Variants in NAV1 observed in about 807,000 individuals in gnomAD.
NAV1 encodes the protein neuron navigator 1.
Under a neutral mutation model 175.2 loss-of-function variants are expected in NAV1, and 18 were observed. The ratio of observed to expected loss-of-function variants is 0.10; its 90% confidence interval spans 0.07 to 0.15. The LOEUF is 0.15. NAV1 is among the 10% of genes least tolerant of loss of function. The pLI, the probability that NAV1 is intolerant of heterozygous loss-of-function variation, is 1.00. For missense variants in NAV1, 1,731 were observed against 2,436.6 expected, an observed-to-expected ratio of 0.71 and a Z score of 6.10; for synonymous variants, 897 against 978.7, an observed-to-expected ratio of 0.92 and a Z score of 1.56.
chr1:201,566,162 C>T lies in NAV1; in HGVS notation c.-143-22377C>T, dbSNP rs753814414. ...GACACATACACCATTCTGATGGTGA[C>T]GCTTGCCCACCTCTTTCAGAGAGAG... On this transcript the variant is annotated intron_variant, in intron 1 of 33. Coordinates refer to the NAV1 transcript ENST00000685211. Among the ~76,000 whole-genome samples, 59 of 152,308 alleles carry T rather than the reference C, an allele frequency of 3.9e-4. No homozygotes were observed. In the Middle Eastern group the frequency reaches 0.017, roughly 44 times the overall value.
At chr1:201,618,213 G>T (rs1212403326), upstream of NAV1, among the ~76,000 whole-genome samples, 1 of 151,940 alleles carries the variant, frequency 6.6e-6, no homozygotes, top group African/African-American at 2.4e-5. Context: ...CCCCAACCCA[G>T]GTGTGCCACT....
At chr1:201,711,042 A>G (rs1298212698) in intron 1 of NAV1, among the ~76,000 whole-genome samples, 1 of 152,212 alleles carries the variant, frequency 6.6e-6, no homozygotes, top group African/African-American at 2.4e-5. Flanking sequence ...GAGTCTAAAA[A>G]ATTGACCCTG....
At chr1:201,622,426 C>A (rs556144415), upstream of NAV1, among the ~76,000 whole-genome samples, 3 of 152,124 alleles carry the variant, frequency 2.0e-5, no homozygotes, top group Admixed American at 6.5e-5. Flanking sequence ...AAGGAACATG[C>A]AGGGCAGAGG....
intron 3 of NAV1, among the ~76,000 whole-genome samples, chr1:201,730,475 G>A (rs1269470155): frequency 5.3e-5 from 8 of 152,204 alleles, no homozygotes. Flanking sequence ...CCTGAAGCCT[G>A]TGAGCATGAC....
At chr1:201,623,893 C>G (rs1163067105) in intron 1 of NAV1, among the ~76,000 whole-genome samples, 1 of 152,130 alleles carries the variant, frequency 6.6e-6, no homozygotes, top group Non-Finnish European at 1.5e-5. Flanking sequence ...CCTAAAATGT[C>G]CATTTTTGCT....
In NAV1 at chr1:201,807,521, G is replaced by T. The variant is rs187454075; in HGVS notation, c.3649-432G>T. Among the ~76,000 whole-genome samples, 1 of 152,180 alleles carries T rather than the reference G, an allele frequency of 6.6e-6. No homozygotes were observed. Among genetic ancestry groups the T allele is most frequent in the Non-Finnish European group, 1.5e-5 (1 of 68,036 alleles). On this transcript the variant is annotated intron_variant, in intron 17 of 29. Transcript: ENST00000367296. The surrounding 1 kb of genome is among the most constrained non-coding windows in gnomAD (Gnocchi z 5.4). Reference sequence around the variant, plus strand: ...CTGCAGAAGGTGGGATTGGATCACTGAGCTGTATACCATGTGACCTCTGGG... The same window carrying T: ...CTGCAGAAGGTGGGATTGGATCACTTAGCTGTATACCATGTGACCTCTGGG...
intron 8 of NAV1, among the ~76,000 whole-genome samples, chr1:201,786,206 CG>C (rs1396284183): frequency 6.6e-6 from 1 of 152,128 alleles, no homozygotes; most frequent in Non-Finnish European, 1.5e-5. Context: ...GGAACCCTTA[CG>C]GGAATACCTG....
At chr1:201,809,380 A>T in intron 21 of NAV1, 62 bp from the exon 26 acceptor site, 3 of 1,595,508 alleles carry the variant, frequency 1.9e-6, no homozygotes, top group Non-Finnish European at 2.6e-6. Flanking sequence ...GGCCTTTAGG[A>T]CCCCGGTTCA....
rs558536280 is a variant in NAV1, at chr1:201,708,437, C to T, written c.758-4380C>T. ...CCCTTCCCCCCTCAAACCCTACTTG[C>T]GCGCACACACACACACACACACACA... On this transcript the variant is annotated intron_variant, in intron 1 of 29. Transcript: ENST00000367296. 9.8e-5 allele frequency among the ~76,000 whole-genome samples: 13 copies of T among 133,302 alleles called. 1 individual carries two copies. In the South Asian group the frequency reaches 2.7e-3, roughly 28 times the overall value. 87.5% of individuals were successfully genotyped at this position (133,302 alleles called of 152,430 possible).
intron 3 of NAV1, among the ~76,000 whole-genome samples, chr1:201,735,513 A>G (rs1041558010): frequency 6.6e-6 from 1 of 152,236 alleles, no homozygotes; most frequent in African/African-American, 2.4e-5. Context: ...ACATTCATGC[A>G]TGAGGAACTC....
intron 3 of NAV1, among the ~76,000 whole-genome samples, chr1:201,735,531 C>T (rs759639877): frequency 1.3e-5 from 2 of 152,182 alleles, no homozygotes; most frequent in Non-Finnish European, 2.9e-5. Flanking sequence ...CTCTGGAAGA[C>T]ACAGGCATTG....
intron 1 of NAV1, among the ~76,000 whole-genome samples, chr1:201,692,117 C>T (rs748987716): frequency 2.0e-4 from 31 of 152,312 alleles, no homozygotes; most frequent in Non-Finnish European, 3.5e-4. Flanking sequence ...CTGTCTCACC[C>T]GTTATTCAAC....
chr1:201,813,934 G>A lies in NAV1; in HGVS notation c.5340+676G>A, dbSNP rs1361863541. Among the ~76,000 whole-genome samples the A allele has an allele frequency of 2.0e-5, 3 of 152,076 alleles. No individual in the cohort carries two copies. Among genetic ancestry groups the A allele is most frequent in the Non-Finnish European group, 2.9e-5 (2 of 68,014 alleles). ...TAGCCAGACGTGGTGGTGGGCGCCT[G>A]CAGTCCCAGCTACTTGGAAGGCTGA... On this transcript the variant is annotated intron_variant, in intron 28 of 29. Coordinates refer to ENST00000367296, the Ensembl canonical transcript of NAV1. The surrounding 1 kb of genome is among the most constrained non-coding windows in gnomAD (Gnocchi z 4.2).
chr1:201,783,649 T>C (rs1390750057), exon 7 of NAV1: 1 of 1,614,176 alleles, frequency 6.2e-7, no homozygotes, highest in Non-Finnish European at 8.5e-7. Flanking sequence ...GTGGTTTCAG[T>C]GTGCCAAAAG....
Position 201,813,346 on chromosome 1 carries a change from C to T in NAV1, c.5340+88C>T. On this transcript the variant is annotated intron_variant, in intron 28 of 29. Transcript: ENST00000367296. This position sits in a 1 kb window ranked among gnomAD's most constrained non-coding sequence, Gnocchi z 4.2. The stretch of plus-strand genomic sequence containing the variant: ...TGTTTCTTTAATGTTAGGCATGGGA[C>T]TACTAGGATTAGTTAGGTTCTCTTT... 3 of 869,370 alleles carry T rather than the reference C, an allele frequency of 3.5e-6. No homozygotes were observed. 53.9% of individuals were successfully genotyped at this position (869,370 alleles called of 1,614,324 possible).
chr1:201,691,401 G>A (rs906030076), intron 1 of NAV1, among the ~76,000 whole-genome samples: 3 of 152,336 alleles, frequency 2.0e-5, no homozygotes, highest in Admixed American at 2.0e-4. Flanking sequence ...CAAACCAAAA[G>A]GCAGACTTTT....
At chr1:201,651,439 C>T (rs922254990) in intron 1 of NAV1, among the ~76,000 whole-genome samples, 11 of 151,598 alleles carry the variant, frequency 7.3e-5, no homozygotes, top group East Asian at 3.9e-4. Flanking sequence ...GCAGGGAGGG[C>T]GAGAGAGGAG....
intron 1 of NAV1, among the ~76,000 whole-genome samples, chr1:201,566,002 C>T (rs1261908455): frequency 6.6e-6 from 1 of 152,188 alleles, no homozygotes; most frequent in East Asian, 1.9e-4. Context: ...TCAAGGCTGG[C>T]GCTGGTCCTT....
At chr1:201,611,507 G>A (rs1345714852) in intron 2 of NAV1, among the ~76,000 whole-genome samples, 1 of 152,168 alleles carries the variant, frequency 6.6e-6, no homozygotes, top group Non-Finnish European at 1.5e-5. Context: ...TGCGGAGAGG[G>A]GGCTGTGTGG....
Sources: allele counts gnomAD v4.1 joint callset (sites outside exome capture counted in the v4.1 genomes callset), GRCh38; gene constraint gnomAD v4.1.1; non-coding constraint Gnocchi (gnomAD v3.1); transcripts MANE v1.5; gene names NCBI Gene and HGNC (gene_info 2026-07-23, HGNC 2026-07-21).